Variants in ZFPM1 observed in about 807,000 individuals in gnomAD.
ZFPM1 encodes zinc finger protein, FOG family member 1.
In ZFPM1, 28 loss-of-function variants were observed where a neutral mutation model predicts 46.3. The observed-to-expected ratio is 0.60, with a 90% CI of 0.45 to 0.83. ZFPM1 has a LOEUF of 0.83. Among genes scored for constraint, ZFPM1 ranks in the 40% least tolerant of loss-of-function variants. The probability of loss-of-function intolerance (pLI) is 0.00; values close to 1 mark genes in which losing one functional copy is unlikely to be tolerated. For synonymous variants in ZFPM1, 957 were observed against 675.9 expected, an observed-to-expected ratio of 1.42 and a Z score of -6.45; for missense variants, 1,878 against 1,432.4, an observed-to-expected ratio of 1.31 and a Z score of -5.02.
chr16:88,452,611 G>C (rs889905353), upstream of ZFPM1, among the ~76,000 whole-genome samples: 1 of 152,264 alleles, frequency 6.6e-6, no homozygotes, highest in African/African-American at 2.4e-5. Flanking sequence ...CACACCCCAA[G>C]TCTGGCCCAA....
chr16:88,475,993 G>C (rs1908665216), intron 1 of ZFPM1, among the ~76,000 whole-genome samples: 1 of 152,170 alleles, frequency 6.6e-6, no homozygotes, highest in Non-Finnish European at 1.5e-5. Context: ...GTGGGGCTGA[G>C]GGGGTGTGGG....
chr16:88,489,143 G>C lies in ZFPM1; in HGVS notation c.258G>C (p.Trp86Cys). ...CGGAGGAAGAGCCGGGCAGTCCCTG[G>C]AGCGGGCCAGGTAACCACGCGGGTG... ...RPTEEEPGSPWSGPDELEPVV... is the reference protein window; with the variant it reads ...RPTEEEPGSPCSGPDELEPVV... The change falls in exon 3 of 10, where the codon TGG becomes TGC. Residue 86 changes from tryptophan to cysteine, a missense_variant. Coordinates refer to ENST00000319555, the MANE Select transcript of ZFPM1 (RefSeq NM_153813.3). 1 of 1,603,672 alleles carries C rather than the reference G, an allele frequency of 6.2e-7. No individual in the cohort carries two copies. The highest frequency in any genetic ancestry group is 1.3e-5 in the African/African-American group (1 of 74,604).
intron 3 of ZFPM1, among the ~76,000 whole-genome samples, chr16:88,501,681 TGTGGGTGCA>T: frequency 8.1e-6 from 1 of 123,016 alleles, no homozygotes; most frequent in Middle Eastern, 6.2e-3. Context: ...AGATAGCGGG[TGTGGGTGCA>T]GGGCCTCTCC....
chr16:88,475,207 T>G (rs1908620952), intron 1 of ZFPM1, among the ~76,000 whole-genome samples: 1 of 152,152 alleles, frequency 6.6e-6, no homozygotes, highest in African/African-American at 2.4e-5. Flanking sequence ...AGGTGGACGC[T>G]CCCGTGGGGT....
At chr16:88,487,705 C>T (rs1442219956) in intron 2 of ZFPM1, among the ~76,000 whole-genome samples, 1 of 152,118 alleles carries the variant, frequency 6.6e-6, no homozygotes, top group African/African-American at 2.4e-5. Flanking sequence ...CCCAAGAGCC[C>T]AGCAGGCCTC....
chr16:88,491,026 G>GGGGGTCCCA (rs1909538007), intron 3 of ZFPM1, among the ~76,000 whole-genome samples: 2 of 148,406 alleles, frequency 1.3e-5, no homozygotes, highest in African/African-American at 5.0e-5. Context: ...CGGGGCTCTC[G>GGGGGTCCCA]GTCAGGCGCT....
chr16:88,515,355 G>A (rs1425014156), intron 4 of ZFPM1, among the ~76,000 whole-genome samples: 5 of 152,186 alleles, frequency 3.3e-5, no homozygotes, highest in African/African-American at 1.2e-4. Flanking sequence ...CCAGGCCCTG[G>A]AGTCTCCTGC....
chr16:88,506,356 G>C (rs1027366269), intron 3 of ZFPM1, among the ~76,000 whole-genome samples: 13 of 152,112 alleles, frequency 8.5e-5, no homozygotes, highest in African/African-American at 2.9e-4. Context: ...GATGGGCCTG[G>C]GGTCTTCTAG....
In ZFPM1 at chr16:88,526,867, G is replaced by A. The variant is rs759774728; in HGVS notation, c.456G>A (p.Leu152=). The change falls in exon 5 of 10, where the codon CTG becomes CTA. Residue 152 remains leucine, a synonymous_variant. Transcript: ENST00000319555. ...LVDEACWLRT[L]PQALTEAEAN... ...ACGAGGCCTGCTGGCTGAGGACGCT[G>A]CCCCAGGCCCTGACTGAGGCCGAGG... The A allele has an allele frequency of 7.0e-6, 11 of 1,572,382 alleles. No individual in the cohort carries two copies. In the South Asian group the frequency reaches 9.3e-5, roughly 13 times the overall value.
rs1315801020 is a variant in ZFPM1, at chr16:88,534,253, G to T, written c.2295G>T (p.Ala765=). ...CCCCGCCGCCCGGCCACGCCCCCGC[G>T]CCCGAGTCGCCGCGGCCCGGAAGCG... ...PPPPPPGHAP[A]PESPRPGSGS... Residue 765 remains alanine (A), a synonymous_variant, in exon 10 of 10, where the codon GCG becomes GCT. Transcript: ENST00000319555. 2.9e-6 allele frequency: 3 copies of T among 1,025,502 alleles called. No homozygotes were observed. Among genetic ancestry groups the T allele is most frequent in the Non-Finnish European group, 3.5e-6 (3 of 863,730 alleles). The allele number at this position is 1,025,502 out of a possible 1,614,324, so 63.5% of individuals were successfully genotyped here. A position where few individuals can be genotyped will look rare whatever the true frequency, so the allele number is the denominator to read the frequency against.
At chr16:88,489,468 A>C in intron 3 of ZFPM1, 1 of 319,054 alleles carries the variant, frequency 3.1e-6, no homozygotes, top group Non-Finnish European at 5.8e-6. Flanking sequence ...AGAGGCAGGA[A>C]AGGCAGGGAG....
rs1913124568 is a variant in ZFPM1, at chr16:88,534,533, T to A, written c.2575T>A (p.Cys859Ser). The change falls in exon 10 of 10, where the codon TGC (cysteine) becomes AGC (serine). Residue 859 changes from cysteine (C) to serine (S), a missense_variant. Transcript: ENST00000319555. ...CCTGCCCGCCGCCGCCTGCCCCTAC[T>A]GCCCCCCGAACGGCCCGGTGCGCGG... is the stretch of plus-strand genomic sequence containing the variant. ...LGLPAAACPYCPPNGPVRGDL... is the reference protein window; with the variant it reads ...LGLPAAACPYSPPNGPVRGDL... 1.4e-6 allele frequency: 2 copies of A among 1,408,046 alleles called. No homozygotes were observed. Among genetic ancestry groups the A allele is most frequent in the Non-Finnish European group, 1.8e-6 (2 of 1,083,336 alleles). The allele number at this position is 1,408,046 out of a possible 1,614,324, so 87.2% of individuals were successfully genotyped here.
intron 1 of ZFPM1, among the ~76,000 whole-genome samples, chr16:88,461,338 C>T (rs1007262127): frequency 1.3e-5 from 2 of 152,100 alleles, no homozygotes; most frequent in African/African-American, 4.8e-5. Flanking sequence ...ATCCCCACCG[C>T]AGGGGCTTTG....
At chr16:88,506,204 T>G (rs1452114490) in intron 3 of ZFPM1, among the ~76,000 whole-genome samples, 8 of 100,392 alleles carry the variant, frequency 8.0e-5, no homozygotes, top group East Asian at 3.2e-4. Context: ...GGGCAGGAGG[T>G]GGGGAGACCA....
At chr16:88,472,859 CT>C (rs1338030178) in intron 1 of ZFPM1, among the ~76,000 whole-genome samples, 1 of 152,264 alleles carries the variant, frequency 6.6e-6, no homozygotes, top group Non-Finnish European at 1.5e-5. Context: ...TAGGCTCCGC[CT>C]CTGTGGGTTG....
chr16:88,488,369 G>C (rs1188309206), intron 2 of ZFPM1, among the ~76,000 whole-genome samples: 1 of 152,252 alleles, frequency 6.6e-6, no homozygotes, highest in Admixed American at 6.5e-5. Flanking sequence ...TGATAGCGTG[G>C]CGATGGGCGC....
Position 88,489,044 on chromosome 16 carries a change from C to G in ZFPM1, c.159C>G (p.Pro53=). The change falls in exon 3 of 10, where the codon CCC becomes CCG. Residue 53 remains proline (P), a synonymous_variant. Coordinates refer to ENST00000319555, the MANE Select transcript of ZFPM1 (RefSeq NM_153813.3). ...PSPPSADVNS[P]PPLPPPTSPG... ...TCCTCTCTGCAGATGTTAACTCACC[C>G]CCACCGCTGCCGCCCCCCACATCCC... 2 of 1,612,790 alleles carry G rather than the reference C, an allele frequency of 1.2e-6. No individual in the cohort carries two copies. The highest frequency in any genetic ancestry group is 1.7e-6 in the Non-Finnish European group (2 of 1,179,570).
At chr16:88,518,641 A>G (rs879623360) in intron 4 of ZFPM1, among the ~76,000 whole-genome samples, 59 of 143,854 alleles carry the variant, frequency 4.1e-4, no homozygotes, top group Non-Finnish European at 7.4e-4. Context: ...AACCAGGTGG[A>G]TGGATGGATA....
chr16:88,522,767 G>C (rs893034091), intron 4 of ZFPM1, among the ~76,000 whole-genome samples: 6 of 152,212 alleles, frequency 3.9e-5, no homozygotes, highest in Admixed American at 3.3e-4. Flanking sequence ...AACAGGGTGG[G>C]CTCTAGCGTC....
Sources: gnomAD v4.1 joint callset for allele counts (sites outside exome capture counted in the v4.1 genomes callset) on GRCh38, gnomAD v4.1.1 for gene constraint, MANE v1.5 for transcripts, NCBI Gene and HGNC (gene_info 2026-07-23, HGNC 2026-07-21) for gene names.